The following LRCH2 variants were observed in gnomAD, a reference collection of about 807,000 sequenced individuals.
LRCH2 encodes the protein leucine-rich repeat and calponin homology domain-containing protein 2.
A neutral mutation model predicts 68.9 loss-of-function variants in LRCH2; 38 were observed. The observed-to-expected ratio is 0.55, with a 90% CI of 0.43 to 0.72. The LOEUF (loss-of-function observed/expected upper bound fraction) is 0.72, where lower values mean the gene tolerates loss of function less well. Among genes scored for constraint, LRCH2 ranks in the 30% least tolerant of loss-of-function variants. The pLI is 0.00. For synonymous variants in LRCH2, 191 were observed against 208.1 expected (o/e 0.92, Z 0.71); for missense variants, 528 against 572.9 (o/e 0.92, Z 0.80).
chrX:115,230,149 T>G (rs782075156), intron 1 of LRCH2, among the ~76,000 whole-genome samples: 45 of 111,691 alleles, frequency 4.0e-4, no homozygotes, highest in Admixed American at 1.1e-3. Flanking sequence ...GACCAAAAAG[T>G]TCTATGCAAT....
intron 1 of LRCH2, among the ~76,000 whole-genome samples, chrX:115,199,297 CAT>C (rs782680698): frequency 2.5e-3 from 277 of 112,205 alleles, no homozygotes; most frequent in African/African-American, 8.2e-3. Context: ...CAAACCCTCA[CAT>C]ATATCAATAT....
intron 2 of LRCH2, among the ~76,000 whole-genome samples, chrX:115,185,627 C>T (rs1254690602): frequency 9.9e-5 from 1 of 10,100 alleles, no homozygotes. Flanking sequence ...TCAAGGGGGA[C>T]TTGAAAGACC....
intron 1 of LRCH2, chrX:115,190,140 C>T: frequency 8.6e-7 from 1 of 1,161,569 alleles, no homozygotes. Context: ...GGCAAGATGG[C>T]TACTCAGGCC....
chrX:115,188,470 C>T (rs2072750851), intron 1 of LRCH2, 100 bp from the exon 2 acceptor site: 2 of 546,253 alleles, frequency 3.7e-6, no homozygotes, highest in South Asian at 1.2e-4. Context: ...TAAGCAACTA[C>T]TTAAAATACT....
intron 20 of LRCH2, among the ~76,000 whole-genome samples, chrX:115,116,169 G>C (rs1556523964): frequency 2.7e-5 from 3 of 111,103 alleles, no homozygotes; most frequent in African/African-American, 9.8e-5. Context: ...TATAAACATA[G>C]AGTTACCATA....
chrX:115,225,880 A>C (rs1556576070), intron 1 of LRCH2, among the ~76,000 whole-genome samples: 2 of 112,228 alleles, frequency 1.8e-5, no homozygotes, highest in African/African-American at 6.5e-5. Flanking sequence ...TAAATCAAGA[A>C]AGACTTCATC....
intron 5 of LRCH2, among the ~76,000 whole-genome samples, chrX:115,173,164 A>T (rs1452212795): frequency 1.8e-5 from 2 of 110,756 alleles, no homozygotes; most frequent in Non-Finnish European, 3.8e-5. Flanking sequence ...TACAAATAAA[A>T]TTTTTTTATA....
intron 1 of LRCH2, chrX:115,190,348 C>A: frequency 8.6e-7 from 1 of 1,161,021 alleles, no homozygotes; most frequent in Admixed American, 2.6e-5. Flanking sequence ...CTACCGAGAG[C>A]CCCTCAAGAG....
chrX:115,121,205 G>T (rs782058963), intron 20 of LRCH2, among the ~76,000 whole-genome samples: 15 of 108,916 alleles, frequency 1.4e-4, no homozygotes, highest in East Asian at 2.9e-4. Flanking sequence ...AAATAAAGGG[G>T]TTTTTTTAAT....
chrX:115,159,097 A>C (rs2072496569), intron 11 of LRCH2, among the ~76,000 whole-genome samples: 1 of 111,407 alleles, frequency 9.0e-6, no homozygotes, highest in Admixed American at 9.6e-5. Context: ...TTCTTGGTCT[A>C]AAAAACATGC....
At chrX:115,185,361 A>G (rs1556554056) in intron 2 of LRCH2, among the ~76,000 whole-genome samples, 1 of 111,851 alleles carries the variant, frequency 8.9e-6, no homozygotes, top group East Asian at 2.8e-4. Flanking sequence ...GTTAAATGGG[A>G]GAGGCAGGAT....
intron 7 of LRCH2, 35 bp downstream of exon 7, chrX:115,166,220 T>C: frequency 1.9e-6 from 2 of 1,026,143 alleles, no homozygotes; most frequent in Non-Finnish European, 2.7e-6. Context: ...AATAAAATTG[T>C]AAAACAGAAT....
intron 4 of LRCH2, 27 bp from the exon 5 acceptor site, chrX:115,179,590 TA>T (rs782603257): frequency 9.1e-6 from 10 of 1,096,726 alleles, no homozygotes; most frequent in Middle Eastern, 5.2e-4. Flanking sequence ...AATAATTAAT[TA>T]AATTTTACAT....
Position 115,192,350 on chromosome X carries a change from G to A in LRCH2, c.350-3980C>T. 1 of 1,081,853 alleles carries A rather than the reference G, an allele frequency of 9.2e-7. No homozygotes were observed. The highest frequency in any genetic ancestry group is 1.2e-6 in the Non-Finnish European group (1 of 809,556). The allele number at this position is 1,081,853 out of a possible 1,213,427, so 89.2% of individuals were successfully genotyped here. On this transcript the variant is annotated intron_variant, in intron 1 of 20. Transcript: ENST00000317135. ...GGGGGCCGCGACAGTTCCATCAAGAGTTACGGCCTGAGCGACCGCTACGGA... is the reference window on the plus strand; with the variant it reads ...GGGGGCCGCGACAGTTCCATCAAGAATTACGGCCTGAGCGACCGCTACGGA...
chrX:115,200,726 AAAG>A (rs1270961667), intron 1 of LRCH2, among the ~76,000 whole-genome samples: 1 of 110,972 alleles, frequency 9.0e-6, no homozygotes, highest in Non-Finnish European at 1.9e-5. Flanking sequence ...TCAAATATAA[AAAG>A]AAGGAATACC....
intron 1 of LRCH2, chrX:115,191,149 G>A (rs1358841630): frequency 1.0e-5 from 12 of 1,164,390 alleles, no homozygotes; most frequent in Middle Eastern, 2.3e-4. Flanking sequence ...CTGCTCTGCC[G>A]ACGCCTACAG....
chrX:115,207,564 C>T (rs1346781769), intron 1 of LRCH2, among the ~76,000 whole-genome samples: 4 of 111,155 alleles, frequency 3.6e-5, no homozygotes, highest in Non-Finnish European at 5.7e-5. Flanking sequence ...AAATAAAAAT[C>T]GGAAAACTGC....
chrX:115,121,837 TC>T (rs1162948000), intron 20 of LRCH2, among the ~76,000 whole-genome samples: 2 of 111,751 alleles, frequency 1.8e-5, no homozygotes, highest in African/African-American at 6.5e-5. Flanking sequence ...AAGACACTGT[TC>T]AAAAGACAGC....
At chrX:115,201,009 A>C (rs782524797) in intron 1 of LRCH2, among the ~76,000 whole-genome samples, 9 of 111,993 alleles carry the variant, frequency 8.0e-5, no homozygotes, top group Admixed American at 6.7e-4. Flanking sequence ...GGCAATTTAC[A>C]AAACAAAGAG....
Sources: allele counts gnomAD v4.1 joint callset (sites outside exome capture counted in the v4.1 genomes callset), GRCh38; gene constraint gnomAD v4.1.1; transcripts MANE v1.5; gene names NCBI Gene and HGNC (gene_info 2026-07-23, HGNC 2026-07-21).